Variants in FARP2 observed in about 807,000 individuals in gnomAD.
FARP2 encodes the protein FERM, ARHGEF and pleckstrin domain-containing protein 2.
In FARP2, 111 loss-of-function variants were observed where a neutral mutation model predicts 130.5. That is an observed-to-expected ratio of 0.85 (90% CI 0.73 to 1.00). FARP2 has a LOEUF of 1.00. Ranked by LOEUF, FARP2 falls within the 50% of genes least tolerant of loss-of-function variation. The pLI is 0.00. For missense variants in FARP2, 1,385 were observed against 1,346.3 expected, an observed-to-expected ratio of 1.03 and a Z score of -0.45; for synonymous variants, 504 against 516.9, an observed-to-expected ratio of 0.98 and a Z score of 0.34.
intron 2 of FARP2, among the ~76,000 whole-genome samples, chr2:241,402,883 T>A (rs1248388090): frequency 1.5e-4 from 6 of 39,312 alleles, no homozygotes; most frequent in East Asian, 1.5e-3. Context: ...TATATATATT[T>A]TTTTTTTTTT....
chr2:241,381,256 G>C (rs577121978), intron 2 of FARP2, among the ~76,000 whole-genome samples: 2 of 152,214 alleles, frequency 1.3e-5, no homozygotes, highest in East Asian at 3.9e-4. Flanking sequence ...TTGTCCTGGG[G>C]TGCCACTCCC....
intron 8 of FARP2, among the ~76,000 whole-genome samples, chr2:241,419,833 A>G (rs2062762667): frequency 6.6e-6 from 1 of 152,182 alleles, no homozygotes; most frequent in African/African-American, 2.4e-5. Flanking sequence ...TGATAGTAAA[A>G]TTCTGGGAAT....
At chr2:241,366,125 A>ATATATACACATATATATATATACG (rs2061309790) in intron 1 of FARP2, among the ~76,000 whole-genome samples, 1 of 67,368 alleles carries the variant, frequency 1.5e-5, no homozygotes, top group African/African-American at 5.5e-5. Flanking sequence ...ATATATACGT[A>ATATATACACATATATATATATACG]TATATATATA....
intron 8 of FARP2, among the ~76,000 whole-genome samples, chr2:241,429,065 T>C (rs1391091684): frequency 2.6e-5 from 4 of 152,210 alleles, no homozygotes; most frequent in Non-Finnish European, 5.9e-5. Context: ...TTACACTGAG[T>C]TTGCAGGTAA....
In FARP2 at chr2:241,441,337, G is replaced by C; in HGVS notation, c.1192G>C (p.Ala398Pro). ...ISFPEGLRTPASPSSANAFYS... is the reference protein window; with the variant it reads ...ISFPEGLRTPPSPSSANAFYS... ...ATTCCCCGAGGGATTGAGGACTCCT[G>C]CCTCCCCATCTTCAGCGAATGCCTT... is the stretch of plus-strand genomic sequence containing the variant. The change falls in exon 13 of 27, where the codon GCC becomes CCC. Residue 398 changes from alanine to proline, a missense_variant. Physicochemically the swap from Ala to Pro is conservative, Grantham distance 27. Coordinates refer to ENST00000264042, the MANE Select transcript of FARP2 (RefSeq NM_014808.4). 6.2e-7 allele frequency: 1 copy of C among 1,610,958 alleles called. No homozygotes were observed. The highest frequency in any genetic ancestry group is 8.5e-7 in the Non-Finnish European group (1 of 1,177,572).
intron 18 of FARP2, among the ~76,000 whole-genome samples, chr2:241,469,128 C>T (rs1331345190): frequency 1.3e-5 from 2 of 151,740 alleles, no homozygotes; most frequent in Non-Finnish European, 2.9e-5. Flanking sequence ...TTCTTGTCGC[C>T]CAGGCTGGAG....
chr2:241,490,781 C>A (rs1402184091), intron 22 of FARP2, among the ~76,000 whole-genome samples: 1 of 152,234 alleles, frequency 6.6e-6, no homozygotes, highest in East Asian at 1.9e-4. Flanking sequence ...AACATCATTT[C>A]AGGAACAAAT....
intron 19 of FARP2, 87 bp from the exon 20 acceptor site, chr2:241,483,378 C>A: frequency 1.7e-6 from 2 of 1,145,190 alleles, no homozygotes; most frequent in Non-Finnish European, 1.3e-6. Flanking sequence ...CAAGCGGCCA[C>A]AAGGCTATTC....
At chr2:241,377,333 CTT>C (rs1258121395) in intron 2 of FARP2, among the ~76,000 whole-genome samples, 14,403 of 129,220 alleles carry the variant, frequency 0.11, 575 homozygotes, top group Non-Finnish European at 0.15. Context: ...TTGTTGGTTT[CTT>C]TTTTTTTTTT....
At chr2:241,383,545 A>G (rs2061711130) in intron 2 of FARP2, among the ~76,000 whole-genome samples, 1 of 152,148 alleles carries the variant, frequency 6.6e-6, no homozygotes, top group African/African-American at 2.4e-5. Flanking sequence ...TTCTGCTCAC[A>G]TGGAGGGAAA....
At chr2:241,444,570 C>T in intron 13 of FARP2, 1 of 152,162 alleles carries the variant, frequency 6.6e-6, no homozygotes, top group East Asian at 1.9e-4. Context: ...GGTGGCCGCT[C>T]CCTGGTGAAG....
chr2:241,356,504 C>G (rs1273047011), intron 1 of FARP2, 116 bp downstream of exon 1: 2 of 152,436 alleles, frequency 1.3e-5, no homozygotes, highest in Non-Finnish European at 2.9e-5. Flanking sequence ...AGGCCGCGGT[C>G]CACCAGAGAT....
At chr2:241,490,189 C>T in intron 22 of FARP2, 145 bp downstream of exon 22, 1 of 638,048 alleles carries the variant, frequency 1.6e-6, no homozygotes, top group Non-Finnish European at 2.8e-6. Context: ...GCTCTGCTTC[C>T]AAGTCACACA....
chr2:241,422,125 A>G lies in FARP2; in HGVS notation c.771+4016A>G, dbSNP rs192534616. On this transcript the variant is annotated intron_variant, in intron 8 of 26. Coordinates refer to ENST00000264042, the MANE Select transcript of FARP2 (RefSeq NM_014808.4). ...ACACCACTGCACTCCACCCTGGGCAACAGAGCGAGACTGTCTCAAAAAACA... is the reference window on the plus strand; with the variant it reads ...ACACCACTGCACTCCACCCTGGGCAGCAGAGCGAGACTGTCTCAAAAAACA... 2.0e-5 allele frequency among the ~76,000 whole-genome samples: 3 copies of G among 151,768 alleles called. No homozygotes were observed. In the East Asian group the frequency reaches 5.8e-4, roughly 29 times the overall value.
chr2:241,494,161 G>A lies in FARP2; in HGVS notation c.*36G>A. ...GCCCAGGTTTGGACACAACTACAAA[G>A]AACAGCAGGACACAGAGGTGACCTC... is the stretch of plus-strand genomic sequence containing the variant. On this transcript the variant is annotated 3_prime_UTR_variant, in exon 27 of 27. Coordinates refer to ENST00000264042, the MANE Select transcript of FARP2 (RefSeq NM_014808.4). This position sits in a 1 kb window ranked among gnomAD's most constrained non-coding sequence, Gnocchi z 4.9. 1.5e-6 allele frequency: 2 copies of A among 1,315,598 alleles called. No individual in the cohort carries two copies. The highest frequency in any genetic ancestry group is 2.0e-6 in the Non-Finnish European group (2 of 975,894). 81.5% of individuals were successfully genotyped at this position (1,315,598 alleles called of 1,614,324 possible).
chr2:241,476,079 A>G (rs1422460324), intron 19 of FARP2, 92 bp downstream of exon 19: 1 of 1,320,308 alleles, frequency 7.6e-7, no homozygotes. Flanking sequence ...CCATTTTAAA[A>G]TGTATAATTT....
In FARP2 at chr2:241,494,448, G is replaced by A. The variant is rs1466948212; in HGVS notation, c.*323G>A. ...GCAGTGCTCTCGGCATCGGACCAAA[G>A]CCTGGGCACACCCTGCCTCTCTCCC... is the stretch of plus-strand genomic sequence containing the variant. On this transcript the variant is annotated 3_prime_UTR_variant, in exon 27 of 27. Transcript: ENST00000264042. This position sits in a 1 kb window ranked among gnomAD's most constrained non-coding sequence, Gnocchi z 4.9. 3 of 196,718 alleles carry A rather than the reference G, an allele frequency of 1.5e-5. No individual in the cohort carries two copies. Among genetic ancestry groups the A allele is most frequent in the Non-Finnish European group, 3.1e-5 (3 of 97,424 alleles). The allele number at this position is 196,718 out of a possible 1,614,324, so 12.2% of individuals were successfully genotyped here.
intron 2 of FARP2, among the ~76,000 whole-genome samples, chr2:241,389,480 A>G (rs2061858846): frequency 6.6e-6 from 1 of 152,240 alleles, no homozygotes; most frequent in Non-Finnish European, 1.5e-5. Context: ...CAGCCTCCAG[A>G]ACTATGAGAA....
chr2:241,465,656 G>T, intron 17 of FARP2: 1 of 1,550,870 alleles, frequency 6.4e-7, no homozygotes, highest in Non-Finnish European at 8.7e-7. Flanking sequence ...GCCTGGAACA[G>T]TTCTCCCTCC....
Sources: gnomAD v4.1 joint callset for allele counts (sites outside exome capture counted in the v4.1 genomes callset) on GRCh38, gnomAD v4.1.1 for gene constraint, Gnocchi (gnomAD v3.1) non-coding constraint, MANE v1.5 for transcripts, NCBI Gene and HGNC (gene_info 2026-07-23, HGNC 2026-07-21) for gene names.